TEAD1: variants seen among roughly 807,000 people sequenced by gnomAD.
TEAD1 encodes transcriptional enhancer factor TEF-1.
A neutral mutation model predicts 54.9 loss-of-function variants in TEAD1; 9 were observed. The observed-to-expected ratio is 0.16, with a 90% CI of 0.10 to 0.29. The LOEUF is 0.29. Ranked by LOEUF, TEAD1 falls within the 10% of genes least tolerant of loss-of-function variation. The probability of loss-of-function intolerance (pLI) is 1.00; values close to 1 mark genes in which losing one functional copy is unlikely to be tolerated. For missense variants in TEAD1, 387 were observed against 535.9 expected (o/e 0.72, Z 2.74); for synonymous variants, 200 against 187.8 (o/e 1.07, Z -0.53).
At chr11:12,829,943 A>G (rs1367209967) in intron 3 of TEAD1, among the ~76,000 whole-genome samples, 3 of 152,150 alleles carry the variant, frequency 2.0e-5, no homozygotes, top group Non-Finnish European at 4.4e-5. Context: ...CTGTCCATAG[A>G]GCAGGGCAGG....
rs574366963 is a variant in TEAD1 at position 12,880,725 on chromosome 11, G to A, written c.466-280G>A. Among the ~76,000 whole-genome samples the A allele has an allele frequency of 7.9e-4, 121 of 152,328 alleles. 1 individual carries two copies. Among genetic ancestry groups the A allele is most frequent in the African/African-American group, 2.7e-3 (113 of 41,582 alleles). ...TATTGGTGAGCCCCCTGCAGCACGC[G>A]CAGATCTTTGCTTAGGTGTAAGGAA... On this transcript the variant is annotated intron_variant, in intron 6 of 12. Coordinates refer to ENST00000527636, the MANE Select transcript of TEAD1 (RefSeq NM_021961.6).
intron 9 of TEAD1, among the ~76,000 whole-genome samples, chr11:12,899,401 T>C: frequency 6.6e-6 from 1 of 152,176 alleles, no homozygotes. Flanking sequence ...ATGTTATTCT[T>C]TTTTACTTTT....
intron 7 of TEAD1, 36 bp downstream of exon 7, chr11:12,881,087 G>T (rs1227611190): frequency 1.2e-6 from 2 of 1,612,808 alleles, no homozygotes; most frequent in Non-Finnish European, 1.7e-6. Context: ...GACAACTACG[G>T]GCTGGTCCCA....
chr11:12,915,586 G>A (rs759638166), intron 10 of TEAD1, among the ~76,000 whole-genome samples: 6 of 152,226 alleles, frequency 3.9e-5, no homozygotes, highest in African/African-American at 1.2e-4. Context: ...GGTGGCCCAC[G>A]CGTATAATCC....
At chr11:12,740,610 C>G (rs1004907026) in intron 2 of TEAD1, among the ~76,000 whole-genome samples, 1 of 152,174 alleles carries the variant, frequency 6.6e-6, no homozygotes, top group Non-Finnish European at 1.5e-5. Flanking sequence ...GTACATCTTA[C>G]ATGGCGGCAG....
intron 10 of TEAD1, among the ~76,000 whole-genome samples, chr11:12,907,041 G>A (rs923487969): frequency 2.0e-5 from 3 of 152,052 alleles, no homozygotes; most frequent in African/African-American, 7.2e-5. Context: ...TGGGTCCTAC[G>A]GTAACTCTAT....
chr11:12,703,439 T>A (rs1200656797), intron 2 of TEAD1, among the ~76,000 whole-genome samples: 1 of 152,180 alleles, frequency 6.6e-6, no homozygotes, highest in Non-Finnish European at 1.5e-5. Context: ...GAAATGGGGA[T>A]GACCTTTTCC....
rs1028648577 is a variant in TEAD1, at chr11:12,808,246, G to T, written c.202+43812G>T. Among the ~76,000 whole-genome samples the T allele has an allele frequency of 3.3e-5, 5 of 151,862 alleles. 1 individual carries two copies. Among genetic ancestry groups the T allele is most frequent in the East Asian group, 3.9e-4 (2 of 5,152 alleles). ...TCAAATATAGACAGGGAAATTATAG[G>T]TCATAGTAGGCTCATAAAATAACGC... On this transcript the variant is annotated intron_variant, in intron 3 of 12. Coordinates refer to ENST00000527636, the MANE Select transcript of TEAD1 (RefSeq NM_021961.6).
intron 3 of TEAD1, among the ~76,000 whole-genome samples, chr11:12,789,308 C>G (rs999126629): frequency 6.6e-6 from 1 of 152,188 alleles, no homozygotes; most frequent in Non-Finnish European, 1.5e-5. Context: ...CACATAAGCT[C>G]TCAGCACATA....
intron 10 of TEAD1, among the ~76,000 whole-genome samples, chr11:12,912,984 C>T (rs1355445957): frequency 2.0e-5 from 3 of 152,174 alleles, no homozygotes; most frequent in African/African-American, 7.2e-5. Flanking sequence ...TGCTAAGCCA[C>T]GATCCCACCT....
Position 12,814,894 on chromosome 11 carries a change from G to A in TEAD1, c.203-47356G>A, listed in dbSNP as rs149350052. ...GTCTGTGTGTGTGTGCACGCGTCCC[G>A]GAGCGCACGCACCCATCAGTGAATG... On this transcript the variant is annotated intron_variant, in intron 3 of 12. Transcript: ENST00000527636. 4.7e-3 allele frequency among the ~76,000 whole-genome samples: 714 copies of A among 151,146 alleles called. 7 individuals carry two copies. Among genetic ancestry groups the A allele is most frequent in the African/African-American group, 0.017 (681 of 41,088 alleles).
intron 3 of TEAD1, among the ~76,000 whole-genome samples, chr11:12,811,845 T>A (rs1946307094): frequency 1.0e-5 from 1 of 99,652 alleles, no homozygotes; most frequent in Non-Finnish European, 2.1e-5. Flanking sequence ...TATGTGTATC[T>A]GGGTGGGGGT....
chr11:12,736,681 G>C (rs1944539479), intron 2 of TEAD1, among the ~76,000 whole-genome samples: 1 of 152,100 alleles, frequency 6.6e-6, no homozygotes, highest in Admixed American at 6.6e-5. Flanking sequence ...GAGTGCAGTA[G>C]GCTCCAGCTG....
intron 9 of TEAD1, among the ~76,000 whole-genome samples, chr11:12,899,270 G>A (rs780953909): frequency 1.4e-5 from 2 of 140,120 alleles, no homozygotes; most frequent in Non-Finnish European, 3.1e-5. Context: ...AATCAGGGTT[G>A]GATGGACGGA....
At chr11:12,694,209 A>G (rs1265232196) in intron 2 of TEAD1, among the ~76,000 whole-genome samples, 1 of 152,220 alleles carries the variant, frequency 6.6e-6, no homozygotes, top group Admixed American at 6.5e-5. Flanking sequence ...AGCCGACACT[A>G]GGCAGAAAGC....
intron 2 of TEAD1, among the ~76,000 whole-genome samples, chr11:12,727,129 A>G (rs1944328808): frequency 6.6e-6 from 1 of 152,174 alleles, no homozygotes; most frequent in Admixed American, 6.5e-5. Flanking sequence ...AGTCCCAGCT[A>G]CTTGGGAAGC....
chr11:12,773,930 A>T (rs576654869), intron 3 of TEAD1, among the ~76,000 whole-genome samples: 186 of 152,282 alleles, frequency 1.2e-3, no homozygotes, highest in Non-Finnish European at 1.7e-3. Context: ...TATGTTTTAA[A>T]TGTAGGTCTG....
intron 2 of TEAD1, among the ~76,000 whole-genome samples, chr11:12,680,626 C>A (rs1358277240): frequency 6.6e-6 from 1 of 152,228 alleles, no homozygotes; most frequent in East Asian, 1.9e-4. Flanking sequence ...CCTGATCTAT[C>A]CCCGTACACG....
At chr11:12,801,726 T>G (rs1211777359) in intron 3 of TEAD1, among the ~76,000 whole-genome samples, 3 of 152,238 alleles carry the variant, frequency 2.0e-5, no homozygotes, top group African/African-American at 7.2e-5. Context: ...TTTATGTGCA[T>G]TGTCGCCACA....
Sources: gnomAD v4.1 joint callset for allele counts (sites outside exome capture counted in the v4.1 genomes callset) on GRCh38, gnomAD v4.1.1 for gene constraint, MANE v1.5 for transcripts, NCBI Gene and HGNC (gene_info 2026-07-23, HGNC 2026-07-21) for gene names.